CYP19A1: variants seen among roughly 807,000 people sequenced by gnomAD.
The protein encoded by CYP19A1 is cytochrome P450 family 19 subfamily A member 1, also known as aromatase.
CYP19A1 carries 32 observed loss-of-function variants against 44.4 expected under a neutral mutation model. That is an observed-to-expected ratio of 0.72 (90% CI 0.54 to 0.97). The LOEUF is 0.97. CYP19A1 is among the 50% of genes least tolerant of loss of function. The pLI is 0.00. For missense variants in CYP19A1, 598 were observed against 637.8 expected (o/e 0.94, Z 0.67); for synonymous variants, 212 against 215.6 (o/e 0.98, Z 0.14).
intron 1 of CYP19A1, among the ~76,000 whole-genome samples, chr15:51,335,341 C>T (rs541225664): frequency 4.6e-5 from 7 of 152,244 alleles, no homozygotes; most frequent in South Asian, 4.2e-4. Flanking sequence ...GTTACCAGCC[C>T]GACTTGGACC....
intron 1 of CYP19A1, among the ~76,000 whole-genome samples, chr15:51,327,741 A>T (rs1178146188): frequency 1.3e-5 from 2 of 152,164 alleles, no homozygotes; most frequent in African/African-American, 4.8e-5. Flanking sequence ...CTTATAACAC[A>T]AGACTCCGTC....
At chr15:51,231,826 G>A (rs1288490183) in intron 3 of CYP19A1, among the ~76,000 whole-genome samples, 6 of 151,922 alleles carry the variant, frequency 3.9e-5, no homozygotes, top group Non-Finnish European at 8.8e-5. Flanking sequence ...TCCCAAGAAA[G>A]TGGAAGCAAC....
intron 4 of CYP19A1, among the ~76,000 whole-genome samples, chr15:51,227,549 AG>A (rs2032682742): frequency 6.6e-6 from 1 of 151,912 alleles, no homozygotes; most frequent in Non-Finnish European, 1.5e-5. Flanking sequence ...GCACATCTGT[AG>A]TCCCAGCTAC....
chr15:51,251,565 A>G (rs534010987), intron 1 of CYP19A1, among the ~76,000 whole-genome samples: 3 of 152,376 alleles, frequency 2.0e-5, no homozygotes, highest in Admixed American at 6.5e-5. Flanking sequence ...GTAAGTGCTC[A>G]GTAAATGTTT....
chr15:51,250,196 G>A (rs2034251155), intron 1 of CYP19A1, among the ~76,000 whole-genome samples: 1 of 152,160 alleles, frequency 6.6e-6, no homozygotes, highest in South Asian at 2.1e-4. Context: ...TGTATGAAAG[G>A]TACCTGCTGC....
chr15:51,294,641 GCCCCCC>G (rs2035942403), intron 1 of CYP19A1, among the ~76,000 whole-genome samples: 1 of 136,202 alleles, frequency 7.3e-6, no homozygotes. Flanking sequence ...GGGGGGGTCA[GCCCCCC>G]GCCCGGCCAG....
chr15:51,270,753 A>G (rs2035093891), intron 1 of CYP19A1, among the ~76,000 whole-genome samples: 1 of 152,178 alleles, frequency 6.6e-6, no homozygotes, highest in African/African-American at 2.4e-5. Flanking sequence ...GTCTGACTCT[A>G]GAGTTCATGC....
chr15:51,307,313 T>A (rs766137627), intron 1 of CYP19A1, among the ~76,000 whole-genome samples: 8 of 152,176 alleles, frequency 5.3e-5, no homozygotes, highest in Non-Finnish European at 1.2e-4. Context: ...CAAAAGGACA[T>A]GATGCCACCC....
chr15:51,278,606 C>T (rs1170370332), intron 1 of CYP19A1, among the ~76,000 whole-genome samples: 2 of 152,294 alleles, frequency 1.3e-5, no homozygotes, highest in South Asian at 2.1e-4. Flanking sequence ...AAATGTATGT[C>T]GGAAATCCGA....
At chr15:51,218,768 G>A (rs2141051856) in intron 5 of CYP19A1, 113 bp from the exon 6 acceptor site, 2 of 1,523,468 alleles carry the variant, frequency 1.3e-6, no homozygotes, top group African/African-American at 2.8e-5. Flanking sequence ...AACAGTCTGG[G>A]GGTTCTAAGC....
At chr15:51,282,169 G>T (rs1220004690) in intron 1 of CYP19A1, among the ~76,000 whole-genome samples, 1 of 152,164 alleles carries the variant, frequency 6.6e-6, no homozygotes, top group Non-Finnish European at 1.5e-5. Flanking sequence ...TACCCTTGCT[G>T]ATTTCACCCC....
chr15:51,265,078 T>TC (rs2034867426), intron 1 of CYP19A1, among the ~76,000 whole-genome samples: 1 of 152,240 alleles, frequency 6.6e-6, no homozygotes, highest in Non-Finnish European at 1.5e-5. Context: ...TCCAGTCTCA[T>TC]CCCCTGCCAC....
chr15:51,282,242 G>T (rs1238886903), intron 1 of CYP19A1, among the ~76,000 whole-genome samples: 1 of 152,138 alleles, frequency 6.6e-6, no homozygotes, highest in Non-Finnish European at 1.5e-5. Context: ...TCATCTTCTT[G>T]TTGGGAAAAA....
chr15:51,231,175 T>G (rs1457763225), intron 3 of CYP19A1, among the ~76,000 whole-genome samples: 2 of 152,380 alleles, frequency 1.3e-5, no homozygotes, highest in African/African-American at 4.8e-5. Flanking sequence ...TTCCTAGTAC[T>G]ACTGAAGTGT....
intron 1 of CYP19A1, chr15:51,318,376 G>A (rs1291478298): frequency 6.6e-6 from 1 of 152,244 alleles, no homozygotes; most frequent in Non-Finnish European, 1.5e-5. Flanking sequence ...ACATCTTCCT[G>A]ATCCCTGCCA....
chr15:51,297,817 G>GACACACACACACACACACACACACACAC (rs1159870053), intron 1 of CYP19A1, among the ~76,000 whole-genome samples: 3 of 111,744 alleles, frequency 2.7e-5, no homozygotes, highest in Non-Finnish European at 1.8e-5. Context: ...CTGTAGGCAT[G>GACACACACACACACACACACACACACAC]ACACACACAC....
intron 1 of CYP19A1, among the ~76,000 whole-genome samples, chr15:51,259,212 C>T (rs1415859361): frequency 6.6e-6 from 1 of 152,198 alleles, no homozygotes; most frequent in Non-Finnish European, 1.5e-5. Context: ...TCACCAAGGA[C>T]ATCTGTCTAG....
chr15:51,262,617 C>T lies in CYP19A1; in HGVS notation c.-38-19667G>A, dbSNP rs558835540. ...CATGCCTGGACTCACAGACTTGAGG[C>T]CTCCTCACTCCCCCAGTGCTAGGGT... On this transcript the variant is annotated intron_variant, in intron 1 of 9. Coordinates refer to ENST00000396402, the MANE Select transcript of CYP19A1 (RefSeq NM_000103.4). 8.5e-5 allele frequency among the ~76,000 whole-genome samples: 13 copies of T among 152,312 alleles called. No homozygotes were observed. In the East Asian group the frequency reaches 1.7e-3, roughly 20 times the overall value.
chr15:51,280,433 C>T (rs550787120), intron 1 of CYP19A1, among the ~76,000 whole-genome samples: 2 of 152,190 alleles, frequency 1.3e-5, no homozygotes, highest in East Asian at 3.9e-4. Flanking sequence ...CCATCCTGGT[C>T]TCCCCATTTT....
Sources: allele counts gnomAD v4.1 joint callset (sites outside exome capture counted in the v4.1 genomes callset), GRCh38; gene constraint gnomAD v4.1.1; transcripts MANE v1.5; gene names NCBI Gene and HGNC (gene_info 2026-07-23, HGNC 2026-07-21).